PIEZO2: variants seen among roughly 807,000 people sequenced by gnomAD.
PIEZO2 encodes the protein piezo type mechanosensitive ion channel component 2, also known as piezo-type mechanosensitive ion channel component 2.
PIEZO2 carries 172 observed loss-of-function variants against 337.3 expected under a neutral mutation model. That is an observed-to-expected ratio of 0.51 (90% confidence interval 0.45 to 0.58). The LOEUF (loss-of-function observed/expected upper bound fraction) is 0.58. Ranked by LOEUF, PIEZO2 falls within the 20% of genes least tolerant of loss-of-function variation. PIEZO2 has a pLI of 0.00. For synonymous variants in PIEZO2, 1,251 were observed against 1,228.5 expected (o/e 1.02, Z -0.38); for missense variants, 3,028 against 3,391.3 (o/e 0.89, Z 2.66).
In PIEZO2 at chr18:10,780,286, T is replaced by A. The variant is rs976879409; in HGVS notation, c.2534+39A>T. The A allele has an allele frequency of 8.5e-6, 6 of 702,580 alleles. No homozygotes were observed. In the African/African-American group the frequency reaches 1.0e-4, roughly 12 times the overall value. 43.5% of individuals were successfully genotyped at this position (702,580 alleles called of 1,614,324 possible). On this transcript the variant is annotated intron_variant, in intron 18 of 55. Transcript: ENST00000674853. ...AGAGTTTAACACAGCAAGAAATAGC[T>A]TCGAACAAAAATAAGAGAGAAAACA...
chr18:10,995,082 A>AAAAAAAAAAAAAAAAAAAAG (rs2035266843), intron 2 of PIEZO2, among the ~76,000 whole-genome samples: 1 of 128,114 alleles, frequency 7.8e-6, no homozygotes, highest in African/African-American at 3.1e-5. Flanking sequence ...CGTCTCAAAA[A>AAAAAAAAAAAAAAAAAAAAG]AAAAAAAAAA....
Position 11,148,495 on chromosome 18 carries a change from A to T in PIEZO2, c.64+30T>A. 1 of 1,536,392 alleles carries T rather than the reference A, an allele frequency of 6.5e-7. No individual in the cohort carries two copies. The highest frequency in any genetic ancestry group is 8.7e-7 in the Non-Finnish European group (1 of 1,146,266). ...CCCAGGCGCCCCCCTCGTCCTCCTCAAGTGCCCTCGGAAAGCGGACCAGAC... is the reference window on the plus strand; with the variant it reads ...CCCAGGCGCCCCCCTCGTCCTCCTCTAGTGCCCTCGGAAAGCGGACCAGAC... On this transcript the variant is annotated intron_variant, in intron 1 of 55. Transcript: ENST00000674853. This position sits in a 1 kb window ranked among gnomAD's most constrained non-coding sequence, Gnocchi z 5.2.
At chr18:10,800,498 G>A (rs753166226) in intron 10 of PIEZO2, 23 bp from the exon 11 acceptor site, 1 of 1,516,792 alleles carries the variant, frequency 6.6e-7, no homozygotes, top group South Asian at 1.2e-5. Context: ...CAGAGAAAGG[G>A]ACAACTGTTA....
chr18:11,053,938 C>T (rs1179473715), intron 2 of PIEZO2, among the ~76,000 whole-genome samples: 3 of 152,068 alleles, frequency 2.0e-5, no homozygotes, highest in African/African-American at 7.2e-5. Context: ...GTGGGAGAAT[C>T]GCTTGCACCT....
chr18:10,863,400 T>C lies in PIEZO2; in HGVS notation c.493-6189A>G, dbSNP rs533232235. ...TGCTACATTTGTTTTGGGAAGATTA[T>C]TCTTCCAAACTCCTAAGATCAGCTT... On this transcript the variant is annotated intron_variant, in intron 5 of 55. Coordinates refer to ENST00000674853, the MANE Select transcript of PIEZO2 (RefSeq NM_001378183.1). This position sits in a 1 kb window ranked among gnomAD's most constrained non-coding sequence, Gnocchi z 4.3. Among the ~76,000 whole-genome samples the C allele has an allele frequency of 6.6e-6, 1 of 152,386 alleles. No homozygotes were observed. The highest frequency in any genetic ancestry group is 1.9e-4 in the East Asian group (1 of 5,194).
chr18:11,120,719 T>C (rs2040005915), intron 1 of PIEZO2, among the ~76,000 whole-genome samples: 1 of 152,220 alleles, frequency 6.6e-6, no homozygotes, highest in African/African-American at 2.4e-5. Context: ...TAAGGACATA[T>C]CTTTACAATC....
In PIEZO2 at chr18:10,676,715, G is replaced by A. The variant is rs1229325161; in HGVS notation, c.8081+1032C>T. Among the ~76,000 whole-genome samples the A allele has an allele frequency of 6.6e-6, 1 of 152,180 alleles. No homozygotes were observed. The highest frequency in any genetic ancestry group is 1.5e-5 in the Non-Finnish European group (1 of 68,044). ...TTTTTGGGCCAGGTGGACAGAGAGT[G>A]GGAGGAGAATGTGCTTGACACTAGT... On this transcript the variant is annotated intron_variant, in intron 53 of 55. Coordinates refer to ENST00000674853, the MANE Select transcript of PIEZO2 (RefSeq NM_001378183.1). This position sits in a 1 kb window ranked among gnomAD's most constrained non-coding sequence, Gnocchi z 5.1.
At chr18:10,916,222 G>T (rs1419987650) in intron 3 of PIEZO2, among the ~76,000 whole-genome samples, 3 of 152,168 alleles carry the variant, frequency 2.0e-5, no homozygotes, top group African/African-American at 7.2e-5. Context: ...CAGGAGCCCA[G>T]CTGGCTTCGC....
intron 8 of PIEZO2, among the ~76,000 whole-genome samples, chr18:10,805,080 A>C (rs2039954906): frequency 6.6e-6 from 1 of 152,204 alleles, no homozygotes; most frequent in Non-Finnish European, 1.5e-5. Flanking sequence ...TATCGCATGG[A>C]CCCAAAGTTA....
chr18:10,746,725 T>C lies in PIEZO2; in HGVS notation c.4424+1746A>G, dbSNP rs1250045286. ...TAAAAGAAGCCCAAGGGGGGTCTCT[T>C]GCCCCTTCCACCAAAATAGGATGCA... is the stretch of plus-strand genomic sequence containing the variant. On this transcript the variant is annotated intron_variant, in intron 30 of 55. Transcript: ENST00000674853. The surrounding 1 kb of genome is among the most constrained non-coding windows in gnomAD (Gnocchi z 4.2). Among the ~76,000 whole-genome samples the C allele has an allele frequency of 2.0e-5, 3 of 152,178 alleles. No homozygotes were observed. The highest frequency in any genetic ancestry group is 2.9e-5 in the Non-Finnish European group (2 of 68,022).
chr18:10,989,976 A>G (rs2035027697), intron 2 of PIEZO2, among the ~76,000 whole-genome samples: 1 of 152,210 alleles, frequency 6.6e-6, no homozygotes, highest in South Asian at 2.1e-4. Context: ...CAGCAGGACT[A>G]CATGGAGACG....
At chr18:10,692,509 C>T (rs2034894194) in intron 47 of PIEZO2, among the ~76,000 whole-genome samples, 1 of 151,136 alleles carries the variant, frequency 6.6e-6, no homozygotes, top group South Asian at 2.1e-4. Context: ...TCTCTCACCC[C>T]TTCCTTCCTT....
Position 10,750,269 on chromosome 18 carries a change from G to A in PIEZO2, c.4168-82C>T, listed in dbSNP as rs1016425803. The A allele has an allele frequency of 2.3e-5, 22 of 968,602 alleles. No individual in the cohort carries two copies. The South Asian group carries it at 3.1e-4, about 14-fold the overall frequency. The allele number at this position is 968,602 out of a possible 1,614,324, so 60.0% of individuals were successfully genotyped here. On this transcript the variant is annotated intron_variant, in intron 28 of 55. Transcript: ENST00000674853. This position sits in a 1 kb window ranked among gnomAD's most constrained non-coding sequence, Gnocchi z 4.1. ...TGTTTTATGATCCCAACATGTGCAA[G>A]AATTCACAAGGTCTCAGTGATAAGG...
Position 10,929,807 on chromosome 18 carries a change from T to G in PIEZO2, c.287-18579A>C, listed in dbSNP as rs1442377260. On this transcript the variant is annotated intron_variant, in intron 3 of 55. Transcript: ENST00000674853. This position sits in a 1 kb window ranked among gnomAD's most constrained non-coding sequence, Gnocchi z 5.6. ...ATGTTATTATTTCCTGATCCTCCTT[T>G]ATGGTGCTGTAAACAAAAATAAAAT... Among the ~76,000 whole-genome samples, 1 of 152,188 alleles carries G rather than the reference T, an allele frequency of 6.6e-6. No homozygotes were observed. Among genetic ancestry groups the G allele is most frequent in the Non-Finnish European group, 1.5e-5 (1 of 68,038 alleles).
intron 21 of PIEZO2, 93 bp downstream of exon 21, chr18:10,770,055 A>T (rs2038533283): frequency 9.1e-6 from 12 of 1,312,948 alleles, no homozygotes; most frequent in Non-Finnish European, 1.1e-5. Flanking sequence ...TGTAATGCGG[A>T]TCACATTAAA....
At chr18:10,802,336 G>A (rs1035275716) in intron 9 of PIEZO2, among the ~76,000 whole-genome samples, 6 of 152,050 alleles carry the variant, frequency 3.9e-5, no homozygotes, top group African/African-American at 1.4e-4. Context: ...GGGTCCCAAA[G>A]AGACTTAATT....
intron 7 of PIEZO2, among the ~76,000 whole-genome samples, chr18:10,843,941 C>T (rs767006370): frequency 4.6e-5 from 7 of 152,196 alleles, no homozygotes; most frequent in Non-Finnish European, 1.0e-4. Context: ...GGCTGGTTTA[C>T]CACGAAGTTG....
In PIEZO2 at chr18:10,954,695, GC is replaced by G. The variant is rs1448732330; in HGVS notation, c.286+24839del. Among the ~76,000 whole-genome samples the G allele has an allele frequency of 6.6e-6, 1 of 152,164 alleles. No individual in the cohort carries two copies. The highest frequency in any genetic ancestry group is 2.4e-5 in the African/African-American group (1 of 41,424). On this transcript the variant is annotated intron_variant, in intron 3 of 55. Coordinates refer to ENST00000674853, the MANE Select transcript of PIEZO2 (RefSeq NM_001378183.1). This position sits in a 1 kb window ranked among gnomAD's most constrained non-coding sequence, Gnocchi z 4.2. ...CTGCAGTCCACTTTTGGGACTGGTT[GC>G]CATGGTGATGGCTGTGGCAGAAGCA...
chr18:10,780,315 A>G lies in PIEZO2; in HGVS notation c.2534+10T>C. ...AACAAAAATAAGAGAGAAAACATTG[A>G]AGTACCCACCTATTTATTATTAGAT... On this transcript the variant is annotated intron_variant, in intron 18 of 55. Transcript: ENST00000674853. The G allele has an allele frequency of 1.4e-6, 1 of 702,910 alleles. No homozygotes were observed. The highest frequency in any genetic ancestry group is 2.6e-6 in the Non-Finnish European group (1 of 384,946). 43.5% of individuals were successfully genotyped at this position (702,910 alleles called of 1,614,324 possible).
Sources: gnomAD v4.1 joint callset for allele counts (sites outside exome capture counted in the v4.1 genomes callset) on GRCh38, gnomAD v4.1.1 for gene constraint, Gnocchi (gnomAD v3.1) non-coding constraint, MANE v1.5 for transcripts, NCBI Gene and HGNC (gene_info 2026-07-23, HGNC 2026-07-21) for gene names.